CSMD1: variants seen among roughly 807,000 people sequenced by gnomAD.
CSMD1 encodes CUB and sushi domain-containing protein 1.
CSMD1 carries 213 observed loss-of-function variants against 417.5 expected under a neutral mutation model. That is an observed-to-expected ratio of 0.51 (90% CI 0.46 to 0.57). The LOEUF (loss-of-function observed/expected upper bound fraction) is 0.57. Ranked by LOEUF, CSMD1 falls within the 20% of genes least tolerant of loss-of-function variation. The pLI is 0.00. For synonymous variants in CSMD1, 2,862 were observed against 1,736.8 expected (o/e 1.65, Z -16.11); for missense variants, 6,923 against 4,529.7 (o/e 1.53, Z -15.17).
At chr8:4,795,328 G>C (rs1385846465) in intron 1 of CSMD1, among the ~76,000 whole-genome samples, 1 of 120,574 alleles carries the variant, frequency 8.3e-6, no homozygotes, top group Non-Finnish European at 1.6e-5. Flanking sequence ...CTGGAGTGCA[G>C]TGACACGATC....
intron 21 of CSMD1, among the ~76,000 whole-genome samples, chr8:3,352,646 C>T (rs141606006): frequency 5.3e-5 from 8 of 152,224 alleles, no homozygotes; most frequent in African/African-American, 1.9e-4. Flanking sequence ...TCAAGACCAG[C>T]CTGGCCAACA....
At position 4,145,107 on chromosome 8, in the gene CSMD1, A is replaced by C. The variant is rs533969085; in HGVS notation, c.416-113008T>G. 3.8e-4 allele frequency among the ~76,000 whole-genome samples: 58 copies of C among 151,266 alleles called. 1 individual carries two copies. Among genetic ancestry groups the C allele is most frequent in the South Asian group, 6.2e-4 (3 of 4,834 alleles). The stretch of plus-strand genomic sequence containing the variant: ...TGTTAAAAATGTAACTTGGTTAAGA[A>C]TATAATTACATGGCGCAGATATAAT... On this transcript the variant is annotated intron_variant, in intron 3 of 69. Transcript: ENST00000635120.
chr8:3,600,295 G>A (rs1351797793), intron 8 of CSMD1, among the ~76,000 whole-genome samples: 1 of 152,158 alleles, frequency 6.6e-6, no homozygotes, highest in Non-Finnish European at 1.5e-5. Flanking sequence ...AGAATTTGGT[G>A]CCAAAGGGCA....
At chr8:3,448,379 GGGAGGAGGGAGGAGGAAGGGAAGGAA>G (rs1815458729) in intron 12 of CSMD1, among the ~76,000 whole-genome samples, 1 of 42,974 alleles carries the variant, frequency 2.3e-5, no homozygotes, top group African/African-American at 9.6e-5. Flanking sequence ...GGAAGGGAGG[GGGAGGAGGGAGGAGGAAGGGAAGGAA>G]GGAAGGAAGG....
intron 3 of CSMD1, among the ~76,000 whole-genome samples, chr8:4,264,131 G>T (rs953932830): frequency 1.3e-5 from 2 of 152,126 alleles, no homozygotes; most frequent in African/African-American, 2.4e-5. Context: ...TGTAGGTAAA[G>T]AATACAACAC....
intron 3 of CSMD1, among the ~76,000 whole-genome samples, chr8:4,363,478 T>A (rs2043117): frequency 5.3e-5 from 8 of 151,942 alleles, no homozygotes; most frequent in East Asian, 1.9e-4. Context: ...CACCACCCCC[T>A]CTCTGGAGGA....
intron 23 of CSMD1, among the ~76,000 whole-genome samples, chr8:3,312,391 C>G (rs376483634): frequency 6.6e-6 from 1 of 152,116 alleles, no homozygotes; most frequent in Non-Finnish European, 1.5e-5. Context: ...AATTTATTAT[C>G]TTGTAAAAAG....
At chr8:4,011,315 A>T (rs1406660133) in intron 4 of CSMD1, among the ~76,000 whole-genome samples, 1 of 152,164 alleles carries the variant, frequency 6.6e-6, no homozygotes, top group East Asian at 1.9e-4. Flanking sequence ...CTCTGCATAT[A>T]ACCGTGCTCC....
intron 7 of CSMD1, among the ~76,000 whole-genome samples, chr8:3,670,870 T>A (rs1393814506): frequency 6.6e-6 from 1 of 150,446 alleles, no homozygotes; most frequent in African/African-American, 2.4e-5. Flanking sequence ...ATGGGATATA[T>A]ATGTATATGG....
At chr8:3,155,032 G>A (rs890305112) in intron 39 of CSMD1, among the ~76,000 whole-genome samples, 1 of 152,154 alleles carries the variant, frequency 6.6e-6, no homozygotes, top group Non-Finnish European at 1.5e-5. Flanking sequence ...AAGAATTACA[G>A]AAGTTGACAT....
chr8:4,746,582 C>T (rs1810968753), intron 1 of CSMD1, among the ~76,000 whole-genome samples: 1 of 152,174 alleles, frequency 6.6e-6, no homozygotes, highest in Admixed American at 6.5e-5. Flanking sequence ...GGAATGTGAT[C>T]TATTCTAGCG....
At chr8:3,954,013 G>A (rs1176807112) in intron 5 of CSMD1, among the ~76,000 whole-genome samples, 2 of 152,146 alleles carry the variant, frequency 1.3e-5, no homozygotes, top group African/African-American at 4.8e-5. Context: ...AGGTCTCAGC[G>A]CCACCTGCTC....
Position 3,559,216 on chromosome 8 carries a change from A to T in CSMD1, c.1344+15729T>A, listed in dbSNP as rs184164236. Reference sequence around the variant, plus strand: ...TTGGGCAATAAGTATCAATATTTCAAATGTGCAACAACATTACCATAATTC... The same window carrying T: ...TTGGGCAATAAGTATCAATATTTCATATGTGCAACAACATTACCATAATTC... On this transcript the variant is annotated intron_variant, in intron 10 of 69. Coordinates refer to ENST00000635120, the MANE Select transcript of CSMD1 (RefSeq NM_033225.6). Among the ~76,000 whole-genome samples the T allele has an allele frequency of 4.0e-3, 613 of 152,322 alleles. 1 individual carries two copies. Among genetic ancestry groups the T allele is most frequent in the Middle Eastern group, 6.8e-3 (2 of 294 alleles).
rs542218435 is a variant in CSMD1 at position 3,581,835 on chromosome 8, G to C, written c.1222+4301C>G. On this transcript the variant is annotated intron_variant, in intron 9 of 69. Coordinates refer to ENST00000635120, the MANE Select transcript of CSMD1 (RefSeq NM_033225.6). ...TTTTTAGTTTTTGAGATGAAGTTTTGCTCTTGTCACCCAGGCTGGAGTATA... is the reference window on the plus strand; with the variant it reads ...TTTTTAGTTTTTGAGATGAAGTTTTCCTCTTGTCACCCAGGCTGGAGTATA... Among the ~76,000 whole-genome samples the C allele has an allele frequency of 3.3e-5, 5 of 151,660 alleles. No homozygotes were observed. The East Asian group carries it at 5.8e-4, about 18-fold the overall frequency.
intron 10 of CSMD1, among the ~76,000 whole-genome samples, chr8:3,555,986 T>A (rs939679999): frequency 1.3e-5 from 2 of 152,178 alleles, no homozygotes; most frequent in African/African-American, 4.8e-5. Context: ...CTATTAAAAC[T>A]GGTGATTTCA....
chr8:4,033,131 A>AC (rs61257201), intron 3 of CSMD1, among the ~76,000 whole-genome samples: 1 of 11,312 alleles, frequency 8.8e-5, no homozygotes, highest in African/African-American at 2.8e-4. Flanking sequence ...TTCCAATATG[A>AC]AAAAAAAAAA....
chr8:2,982,531 T>A (rs1000111730), intron 54 of CSMD1, among the ~76,000 whole-genome samples: 1 of 152,106 alleles, frequency 6.6e-6, no homozygotes, highest in African/African-American at 2.4e-5. Flanking sequence ...CACTGTGTTT[T>A]GAGATTTGAT....
At chr8:3,846,439 A>C (rs1803508108) in intron 5 of CSMD1, among the ~76,000 whole-genome samples, 1 of 152,204 alleles carries the variant, frequency 6.6e-6, no homozygotes, top group Admixed American at 6.5e-5. Context: ...ACTGATCAAG[A>C]AGATGACAGT....
chr8:4,749,502 G>C (rs977287980), intron 1 of CSMD1, among the ~76,000 whole-genome samples: 12 of 152,184 alleles, frequency 7.9e-5, no homozygotes, highest in Non-Finnish European at 1.3e-4. Flanking sequence ...GTGATGACTT[G>C]TGGTTAGCAC....
Sources: gnomAD v4.1 joint callset for allele counts (sites outside exome capture counted in the v4.1 genomes callset) on GRCh38, gnomAD v4.1.1 for gene constraint, MANE v1.5 for transcripts, NCBI Gene and HGNC (gene_info 2026-07-23, HGNC 2026-07-21) for gene names.